The following DCX variants were observed in gnomAD, a reference collection of about 807,000 sequenced individuals.
DCX encodes the protein neuronal migration protein doublecortin.
A neutral mutation model predicts 20.9 loss-of-function variants in DCX; 4 were observed. That is an observed-to-expected ratio of 0.19 (90% CI 0.09 to 0.44). The LOEUF is 0.44. Ranked by LOEUF, DCX falls within the 20% of genes least tolerant of loss-of-function variation. The pLI, the probability that DCX is intolerant of heterozygous loss-of-function variation, is 0.99. For missense variants in DCX, 133 were observed against 296.9 expected (o/e 0.45, Z 4.06); for synonymous variants, 103 against 111.4 (o/e 0.92, Z 0.47).
At chrX:111,318,980 AG>A (rs2147609499) in intron 5 of DCX, among the ~76,000 whole-genome samples, 1 of 112,303 alleles carries the variant, frequency 8.9e-6, no homozygotes, top group East Asian at 2.8e-4. Flanking sequence ...GCAGGGACAA[AG>A]ATATGAATGT....
At chrX:111,320,241 T>C (rs1461570502) in intron 5 of DCX, among the ~76,000 whole-genome samples, 1 of 112,068 alleles carries the variant, frequency 8.9e-6, no homozygotes, top group Non-Finnish European at 1.9e-5. Flanking sequence ...TAAAATGTAT[T>C]CAAGTGCACA....
intron 3 of DCX, among the ~76,000 whole-genome samples, chrX:111,352,242 C>G (rs936373258): frequency 1.8e-5 from 2 of 111,693 alleles, no homozygotes; most frequent in African/African-American, 3.3e-5. Flanking sequence ...GTCAATAGTG[C>G]CAGGGTTGAG....
chrX:111,321,284 A>G (rs1416465961), intron 5 of DCX, among the ~76,000 whole-genome samples: 1 of 112,097 alleles, frequency 8.9e-6, no homozygotes. Flanking sequence ...GGAAGATAGT[A>G]TCTATGCCCT....
intron 2 of DCX, among the ~76,000 whole-genome samples, chrX:111,405,765 ACCT>A (rs1928162621): frequency 9.0e-6 from 1 of 111,566 alleles, no homozygotes; most frequent in Non-Finnish European, 1.9e-5. Flanking sequence ...TTATTCATTG[ACCT>A]CCTTGGGATA....
chrX:111,320,576 C>G (rs2095084109), intron 5 of DCX, among the ~76,000 whole-genome samples: 1 of 111,167 alleles, frequency 9.0e-6, no homozygotes, highest in Non-Finnish European at 1.9e-5. Context: ...ACTTGTCTCT[C>G]TTTCTCATTT....
intron 5 of DCX, among the ~76,000 whole-genome samples, chrX:111,321,919 A>G (rs2095087477): frequency 8.9e-6 from 1 of 112,144 alleles, no homozygotes; most frequent in African/African-American, 3.2e-5. Context: ...ACCTTTGACC[A>G]CAGACCAAAC....
chrX:111,392,401 T>C (rs1466842176), intron 3 of DCX, among the ~76,000 whole-genome samples: 1 of 111,320 alleles, frequency 9.0e-6, no homozygotes, highest in African/African-American at 3.3e-5. Context: ...CAAATGTTCA[T>C]CAACAAATGA....
At chrX:111,394,182 T>C (rs1927157164) in intron 3 of DCX, among the ~76,000 whole-genome samples, 1 of 111,969 alleles carries the variant, frequency 8.9e-6, no homozygotes, top group South Asian at 3.7e-4. Flanking sequence ...AGTACCAATA[T>C]ATGCTACAAC....
chrX:111,391,975 G>C (rs1294729808), intron 3 of DCX, among the ~76,000 whole-genome samples: 1 of 111,566 alleles, frequency 9.0e-6, no homozygotes, highest in Non-Finnish European at 1.9e-5. Flanking sequence ...TGACCCACTG[G>C]ATTGAAGGTC....
In DCX at chrX:111,377,331, C is replaced by T. The variant is rs149375498; in HGVS notation, c.705+23659G>A. Among the ~76,000 whole-genome samples, 4 of 111,858 alleles carry T rather than the reference C, an allele frequency of 3.6e-5. No homozygotes were observed. In the East Asian group the frequency reaches 1.1e-3, roughly 32 times the overall value. ...AGCTGTTTCACACTGATAGACCTGA[C>T]CTTCCCAGCTGAAGGTTCTTTGTGC... is the stretch of plus-strand genomic sequence containing the variant. On this transcript the variant is annotated intron_variant, in intron 3 of 6. Coordinates refer to ENST00000636035, the MANE Select transcript of DCX (RefSeq NM_001195553.2).
At chrX:111,314,969 G>T (rs1293510487) in intron 5 of DCX, among the ~76,000 whole-genome samples, 2 of 109,739 alleles carry the variant, frequency 1.8e-5, no homozygotes, top group African/African-American at 6.8e-5. Context: ...AGTTTAATTA[G>T]ATCCCATTTG....
intron 5 of DCX, among the ~76,000 whole-genome samples, chrX:111,329,321 C>A (rs2095106789): frequency 8.9e-6 from 1 of 111,737 alleles, no homozygotes; most frequent in Admixed American, 9.6e-5. Context: ...TGGTCTCTAG[C>A]ACCATGTTGG....
rs2095028758 is a variant in DCX at position 111,299,425 on chromosome X, T to C, written c.*2262A>G. On this transcript the variant is annotated 3_prime_UTR_variant, in exon 7 of 7. Coordinates refer to ENST00000636035, the MANE Select transcript of DCX (RefSeq NM_001195553.2). ...AGTGTGAGGCCCAAGCATAAGGAAA[T>C]CTGGATTCTTCCTCTGGTCCTGCTC... 9.0e-6 allele frequency: 1 copy of C among 111,143 alleles called. No homozygotes were observed. The highest frequency in any genetic ancestry group is 3.8e-4 in the South Asian group (1 of 2,604). The allele number at this position is 111,143 out of a possible 1,213,427, so 9.2% of individuals were successfully genotyped here. A position where few individuals can be genotyped will look rare whatever the true frequency, so the allele number is the denominator to read the frequency against.
At chrX:111,306,208 CA>C (rs2095045047) in intron 6 of DCX, among the ~76,000 whole-genome samples, 1 of 110,654 alleles carries the variant, frequency 9.0e-6, no homozygotes, top group Non-Finnish European at 1.9e-5. Flanking sequence ...GATTCAAACC[CA>C]CAAATATGTT....
At chrX:111,357,146 G>C (rs1049527514) in intron 3 of DCX, among the ~76,000 whole-genome samples, 2 of 111,831 alleles carry the variant, frequency 1.8e-5, no homozygotes, top group African/African-American at 6.5e-5. Flanking sequence ...TGAGCCCAAG[G>C]TTATTATGAA....
intron 3 of DCX, among the ~76,000 whole-genome samples, chrX:111,395,994 T>C (rs1927287132): frequency 8.9e-6 from 1 of 112,568 alleles, no homozygotes; most frequent in Admixed American, 9.4e-5. Context: ...GGTAAGTGCA[T>C]TCAACATTTC....
rs1264828306 is a variant in DCX at position 111,365,086 on chromosome X, T to TA, written c.706-31934_706-31933insT. Reference sequence around the variant, plus strand: ...TTTGTATTATTATTATTATTATTATTTTTATTTTTATTTTGGAGAGACAGG... The same window carrying TA: ...TTTGTATTATTATTATTATTATTATTATTTATTTTTATTTTGGAGAGACAGG... On this transcript the variant is annotated intron_variant, in intron 3 of 6. Transcript: ENST00000636035. Among the ~76,000 whole-genome samples the TA allele has an allele frequency of 2.0e-4, 21 of 104,207 alleles. No individual in the cohort carries two copies. In the South Asian group the frequency reaches 2.6e-3, roughly 13 times the overall value. 90.5% of individuals were successfully genotyped at this position (104,207 alleles called of 115,157 possible).
chrX:111,365,064 G>GTAT (rs373062214), intron 3 of DCX, among the ~76,000 whole-genome samples: 5,192 of 105,770 alleles, frequency 0.049, 155 homozygotes, highest in Non-Finnish European at 0.075. Flanking sequence ...GCTAATTTTT[G>GTAT]TATTATTATT....
intron 3 of DCX, among the ~76,000 whole-genome samples, chrX:111,371,099 A>G (rs1925048447): frequency 8.9e-6 from 1 of 112,271 alleles, no homozygotes; most frequent in African/African-American, 3.2e-5. Flanking sequence ...ATTAGTGTTC[A>G]ATATTTGTTT....
Sources: gnomAD v4.1 joint callset for allele counts (sites outside exome capture counted in the v4.1 genomes callset) on GRCh38, gnomAD v4.1.1 for gene constraint, MANE v1.5 for transcripts, NCBI Gene and HGNC (gene_info 2026-07-23, HGNC 2026-07-21) for gene names.